Variants in UNC13B observed in about 807,000 individuals in gnomAD.
UNC13B encodes the protein protein unc-13 homolog B.
A neutral mutation model predicts 211.0 loss-of-function variants in UNC13B; 144 were observed. The ratio of observed to expected loss-of-function variants is 0.68; its 90% CI spans 0.60 to 0.78. The LOEUF (loss-of-function observed/expected upper bound fraction) is 0.78. Among genes scored for constraint, UNC13B ranks in the 30% least tolerant of loss-of-function variants. The probability of loss-of-function intolerance (pLI) is 0.00; values close to 1 mark genes in which losing one functional copy is unlikely to be tolerated. For missense variants in UNC13B, 1,777 were observed against 2,002.0 expected (o/e 0.89, Z 2.14); for synonymous variants, 709 against 725.8 (o/e 0.98, Z 0.37).
At chr9:35,282,420 T>G (rs1159500004) in intron 7 of UNC13B, among the ~76,000 whole-genome samples, 1 of 152,050 alleles carries the variant, frequency 6.6e-6, no homozygotes, top group African/African-American at 2.4e-5. Flanking sequence ...TCTTACAATT[T>G]TTTTTGTTTG....
intron 9 of UNC13B, 23 bp from the exon 10 acceptor site, chr9:35,310,444 C>G: frequency 6.2e-7 from 1 of 1,605,092 alleles, no homozygotes; most frequent in Non-Finnish European, 8.5e-7. Context: ...ATTTACTTAT[C>G]TGTCTTTCTG....
At chr9:35,340,715 G>A (rs914105901) in intron 11 of UNC13B, among the ~76,000 whole-genome samples, 1 of 152,218 alleles carries the variant, frequency 6.6e-6, no homozygotes, top group Non-Finnish European at 1.5e-5. Context: ...GCTCAGGGGA[G>A]TCAGAAGAGG....
chr9:35,327,766 G>T (rs1831102115), intron 11 of UNC13B, among the ~76,000 whole-genome samples: 1 of 152,174 alleles, frequency 6.6e-6, no homozygotes. Flanking sequence ...TACCGTCAAT[G>T]AAAGCATGTT....
Position 35,233,090 on chromosome 9 carries a change from G to A in UNC13B, c.152+1871G>A, listed in dbSNP as rs549597644. ...CTCTCAGTGACAGTGATATGAGACCGAGAGCACCTGTTTCCTTCTTTACAC... is the reference window on the plus strand; with the variant it reads ...CTCTCAGTGACAGTGATATGAGACCAAGAGCACCTGTTTCCTTCTTTACAC... On this transcript the variant is annotated intron_variant, in intron 3 of 39. Transcript: ENST00000635942. Among the ~76,000 whole-genome samples, 10 of 152,216 alleles carry A rather than the reference G, an allele frequency of 6.6e-5. No individual in the cohort carries two copies. The East Asian group carries it at 1.4e-3, about 21-fold the overall frequency.
Position 35,396,686 on chromosome 9 carries a change from A to G in UNC13B, c.11435+84A>G, listed in dbSNP as rs904149292. On this transcript the variant is annotated intron_variant, in intron 27 of 39. Transcript: ENST00000635942. ...TATCCCCAATTCATTTCAGCAAGCC[A>G]GTCTCGGGGACTGCCTGTTCAGGTA... is the stretch of plus-strand genomic sequence containing the variant. 5.6e-6 allele frequency: 9 copies of G among 1,600,842 alleles called. No homozygotes were observed. In the African/African-American group the frequency reaches 6.7e-5, roughly 12 times the overall value.
chr9:35,207,024 CCTGTGTGGCATATTT>C (rs1331184229), intron 1 of UNC13B, among the ~76,000 whole-genome samples: 1 of 152,046 alleles, frequency 6.6e-6, no homozygotes, highest in Non-Finnish European at 1.5e-5. Flanking sequence ...TGTACATGTT[CCTGTGTGGCATATTT>C]CTGTGTGCAC....
At chr9:35,366,822 G>A (rs1285638483) in intron 11 of UNC13B, 125 bp from the exon 12 acceptor site, 3 of 772,384 alleles carry the variant, frequency 3.9e-6, no homozygotes, top group Non-Finnish European at 6.7e-6. Flanking sequence ...TGTCAGACAG[G>A]CTGTCACCAC....
chr9:35,182,687 C>G (rs1245732992), intron 1 of UNC13B, among the ~76,000 whole-genome samples: 3 of 152,098 alleles, frequency 2.0e-5, no homozygotes, highest in Non-Finnish European at 4.4e-5. Flanking sequence ...AACGAGCATG[C>G]TGCCTTCAAG....
chr9:35,353,157 T>C (rs1832827601), intron 11 of UNC13B: 5 of 1,231,988 alleles, frequency 4.1e-6, no homozygotes, highest in Non-Finnish European at 5.1e-6. Flanking sequence ...CATATTGACC[T>C]GAATGAAGAG....
intron 7 of UNC13B, among the ~76,000 whole-genome samples, chr9:35,292,473 T>G (rs1228296973): frequency 1.3e-5 from 2 of 152,216 alleles, no homozygotes; most frequent in African/African-American, 4.8e-5. Context: ...CTAGAAGATA[T>G]TTCCCTTCTG....
intron 7 of UNC13B, among the ~76,000 whole-genome samples, chr9:35,289,992 A>G (rs1226726503): frequency 6.6e-6 from 1 of 152,078 alleles, no homozygotes. Flanking sequence ...TAAAAAACCC[A>G]TATTCTTAAT....
At chr9:35,359,218 A>G (rs190874671) in intron 11 of UNC13B, among the ~76,000 whole-genome samples, 16 of 152,080 alleles carry the variant, frequency 1.1e-4, no homozygotes, top group Admixed American at 9.8e-4. Flanking sequence ...CTTGTGCTCA[A>G]TTCCTTCTTT....
intron 1 of UNC13B, among the ~76,000 whole-genome samples, chr9:35,196,565 A>C (rs1016717447): frequency 1.3e-5 from 2 of 152,028 alleles, no homozygotes; most frequent in East Asian, 3.9e-4. Flanking sequence ...CTGCCCAGGC[A>C]TTTTCTCTTT....
chr9:35,398,061 A>C, intron 30 of UNC13B, 150 bp from the exon 31 acceptor site: 2 of 623,660 alleles, frequency 3.2e-6, no homozygotes, highest in Non-Finnish European at 5.4e-6. Flanking sequence ...AAGGAGAATT[A>C]TCTGAACTGG....
chr9:35,395,728 C>G (rs1835827772), intron 26 of UNC13B, among the ~76,000 whole-genome samples: 1 of 152,132 alleles, frequency 6.6e-6, no homozygotes, highest in African/African-American at 2.4e-5. Flanking sequence ...TTATCTTTGT[C>G]TTAGATTTTC....
chr9:35,381,202 C>T lies in UNC13B; in HGVS notation c.10478C>T (p.Thr3493Ile). Residue 3493 changes from threonine (T) to isoleucine (I), a missense_variant, in exon 19 of 40, where the codon ACA becomes ATA. Transcript: ENST00000635942. ...EKVAPYHVQY[T>I]CLHENLFHYL... ...GTAGCCCCATACCACGTGCAGTATA[C>T]ATGTCTCCATGAGGTGAGCCAGCCC... 1 of 1,613,646 alleles carries T rather than the reference C, an allele frequency of 6.2e-7. No homozygotes were observed.
At chr9:35,212,876 C>T (rs1824046460) in intron 1 of UNC13B, among the ~76,000 whole-genome samples, 2 of 152,170 alleles carry the variant, frequency 1.3e-5, no homozygotes, top group Non-Finnish European at 2.9e-5. Flanking sequence ...TAGCCTCCCA[C>T]CCCCTAATAA....
intron 1 of UNC13B, among the ~76,000 whole-genome samples, chr9:35,226,516 C>A (rs1824850832): frequency 6.6e-6 from 1 of 152,216 alleles, no homozygotes; most frequent in Admixed American, 6.5e-5. Flanking sequence ...GGAAGCCAGT[C>A]CGAGTCCCAA....
chr9:35,297,320 C>G (rs2131806983), intron 8 of UNC13B, among the ~76,000 whole-genome samples: 1 of 151,926 alleles, frequency 6.6e-6, no homozygotes, highest in Non-Finnish European at 1.5e-5. Context: ...ATCTCCTGGC[C>G]TCAAACGATA....
Sources: gnomAD v4.1 joint callset for allele counts (sites outside exome capture counted in the v4.1 genomes callset) on GRCh38, gnomAD v4.1.1 for gene constraint, MANE v1.5 for transcripts, NCBI Gene and HGNC (gene_info 2026-07-23, HGNC 2026-07-21) for gene names.